SCAPER: variants seen among roughly 807,000 people sequenced by gnomAD.
The protein encoded by SCAPER is S phase cyclin A-associated protein in the endoplasmic reticulum.
In SCAPER, 98 loss-of-function variants were observed where a neutral mutation model predicts 182.2. The ratio of observed to expected loss-of-function variants is 0.54; its 90% CI spans 0.46 to 0.64. SCAPER has a LOEUF of 0.64. Among genes scored for constraint, SCAPER ranks in the 30% least tolerant of loss-of-function variants. The pLI is 0.00. For missense variants in SCAPER, 1,432 were observed against 1,690.0 expected (o/e 0.85, Z 2.68); for synonymous variants, 605 against 564.6 (o/e 1.07, Z -1.01).
At chr15:76,854,976 A>G (rs2071190057) in intron 4 of SCAPER, among the ~76,000 whole-genome samples, 1 of 151,712 alleles carries the variant, frequency 6.6e-6, no homozygotes, top group Non-Finnish European at 1.5e-5. Context: ...CGTCCCAAAA[A>G]AAAATACAAA....
At chr15:76,848,952 CT>C (rs2070429427) in intron 4 of SCAPER, among the ~76,000 whole-genome samples, 1 of 152,142 alleles carries the variant, frequency 6.6e-6, no homozygotes, top group Admixed American at 6.5e-5. Context: ...CAGAGTTTCC[CT>C]GAGAAGAGGC....
chr15:76,365,483 C>T (rs749501122), intron 29 of SCAPER, among the ~76,000 whole-genome samples: 1 of 152,182 alleles, frequency 6.6e-6, no homozygotes, highest in African/African-American at 2.4e-5. Flanking sequence ...TAGATTTTCT[C>T]AAAGACTTGG....
At chr15:76,897,970 T>C (rs2152621363) in intron 1 of SCAPER, among the ~76,000 whole-genome samples, 1 of 152,250 alleles carries the variant, frequency 6.6e-6, no homozygotes, top group Non-Finnish European at 1.5e-5. Context: ...ATTTCACAGA[T>C]TACCACAAAG....
intron 1 of SCAPER, among the ~76,000 whole-genome samples, chr15:76,899,391 T>C (rs965490409): frequency 7.9e-5 from 12 of 152,236 alleles, no homozygotes; most frequent in Non-Finnish European, 1.6e-4. Context: ...CTCCAGCTCC[T>C]GGCCTCGGAT....
chr15:76,554,572 T>G (rs2046041048), intron 23 of SCAPER, among the ~76,000 whole-genome samples: 1 of 152,030 alleles, frequency 6.6e-6, no homozygotes, highest in African/African-American at 2.4e-5. Context: ...AGTTGGGTAG[T>G]ATGATACCTC....
At chr15:76,812,497 A>AAAAAAAG (rs61243906) in intron 5 of SCAPER, among the ~76,000 whole-genome samples, 27 of 122,466 alleles carry the variant, frequency 2.2e-4, no homozygotes, top group Non-Finnish European at 3.6e-4. Context: ...AAAAAAAAAA[A>AAAAAAAG]AAAGAAAGAA....
At chr15:76,894,251 C>CA (rs35527863) in intron 1 of SCAPER, among the ~76,000 whole-genome samples, 56,051 of 144,882 alleles carry the variant, frequency 0.39, 12,385 homozygotes, top group Middle Eastern at 0.53. Flanking sequence ...AATTTCAACT[C>CA]AAAAAAAAAA....
At chr15:76,611,323 A>G (rs2050965627) in intron 22 of SCAPER, among the ~76,000 whole-genome samples, 1 of 152,186 alleles carries the variant, frequency 6.6e-6, no homozygotes, top group African/African-American at 2.4e-5. Context: ...CATAAGAAAA[A>G]AATGAAAAAG....
intron 20 of SCAPER, among the ~76,000 whole-genome samples, chr15:76,686,928 T>C (rs1026619531): frequency 1.3e-5 from 2 of 152,076 alleles, no homozygotes; most frequent in Non-Finnish European, 2.9e-5. Context: ...AGAGGATCTA[T>C]CAAGCAACAT....
intron 23 of SCAPER, among the ~76,000 whole-genome samples, chr15:76,562,538 C>G (rs1160096074): frequency 6.6e-6 from 1 of 152,044 alleles, no homozygotes. Flanking sequence ...ACCTATCTGC[C>G]AAAAAACAAA....
chr15:76,370,452 G>A (rs1158265704), intron 29 of SCAPER, among the ~76,000 whole-genome samples: 1 of 151,858 alleles, frequency 6.6e-6, no homozygotes, highest in Admixed American at 6.6e-5. Context: ...CTACAGGCAT[G>A]CACTACAGCA....
intron 21 of SCAPER, among the ~76,000 whole-genome samples, chr15:76,639,449 C>T (rs1460444795): frequency 2.6e-5 from 4 of 152,228 alleles, no homozygotes; most frequent in Admixed American, 6.5e-5. Flanking sequence ...TTGCTCCCCA[C>T]TGAAGACCTG....
At chr15:76,719,416 C>A (rs754659353) in intron 17 of SCAPER, among the ~76,000 whole-genome samples, 1 of 151,860 alleles carries the variant, frequency 6.6e-6, no homozygotes, top group African/African-American at 2.4e-5. Flanking sequence ...AAAGAGGAGA[C>A]GTAGATCAGA....
At chr15:76,680,587 G>C (rs949254564) in intron 20 of SCAPER, among the ~76,000 whole-genome samples, 1 of 152,014 alleles carries the variant, frequency 6.6e-6, no homozygotes, top group Non-Finnish European at 1.5e-5. Context: ...TTGGGTGATG[G>C]GGGTGGATGC....
rs768433326 is a variant in SCAPER at position 76,775,114 on chromosome 15, C to T, written c.776G>A (p.Arg259Gln). Reference protein sequence around the residue: ...TVQKASRKNERKDAEGWETVQ... With the variant: ...TVQKASRKNEQKDAEGWETVQ... ...GGTCTCCCATCCTTCAGCATCTTTC[C>T]GTTCTATGCAATTAAAGTAAAAAAC... Residue 259 changes from arginine to glutamine, a missense_variant, in exon 9 of 32, where the codon CGG (arginine) becomes CAG (glutamine). Arg to Gln is a conservative substitution (Grantham distance 43). Around this residue, in one of 5 missense-constraint regions of SCAPER, gnomAD observed 480 missense variants for 510.2 expected, o/e 0.94. Transcript: ENST00000563290. 9.4e-6 allele frequency: 15 copies of T among 1,591,652 alleles called. No individual in the cohort carries two copies. The South Asian group carries it at 1.0e-4, about 11-fold the overall frequency.
At chr15:76,767,210 A>G in intron 10 of SCAPER, 122 bp from the exon 11 acceptor site, 1 of 983,900 alleles carries the variant, frequency 1.0e-6, no homozygotes, top group Non-Finnish European at 1.5e-6. Context: ...TAGAATCATA[A>G]AAGCTGGGGT....
chr15:76,677,008 T>C (rs2057405995), intron 20 of SCAPER, among the ~76,000 whole-genome samples: 1 of 152,108 alleles, frequency 6.6e-6, no homozygotes, highest in Non-Finnish European at 1.5e-5. Flanking sequence ...ATCTGTTGTA[T>C]AGACATCACT....
chr15:76,863,264 G>T (rs1172030882), intron 2 of SCAPER, among the ~76,000 whole-genome samples: 1 of 152,170 alleles, frequency 6.6e-6, no homozygotes, highest in African/African-American at 2.4e-5. Context: ...TCTATGAGAA[G>T]AAAGAGATCA....
At chr15:76,687,054 A>C (rs1223133618) in intron 20 of SCAPER, among the ~76,000 whole-genome samples, 3 of 152,106 alleles carry the variant, frequency 2.0e-5, no homozygotes, top group Non-Finnish European at 4.4e-5. Context: ...CACCAGTAAA[A>C]GAGATATAAA....
Sources: allele counts gnomAD v4.1 joint callset (sites outside exome capture counted in the v4.1 genomes callset), GRCh38; gene constraint gnomAD v4.1.1; regional missense constraint gnomAD v4.1.1; transcripts MANE v1.5; gene names NCBI Gene and HGNC (gene_info 2026-07-23, HGNC 2026-07-21).